Variants in EPN2 observed in about 807,000 individuals in gnomAD.
EPN2 encodes epsin 2, also known as epsin-2.
EPN2 carries 34 observed loss-of-function variants against 61.7 expected under a neutral mutation model. The observed-to-expected ratio is 0.55, with a 90% CI of 0.42 to 0.73. EPN2 has a LOEUF of 0.73. Among genes scored for constraint, EPN2 ranks in the 30% least tolerant of loss-of-function variants. EPN2 has a pLI of 0.00. For synonymous variants in EPN2, 349 were observed against 353.6 expected (o/e 0.99, Z 0.15); for missense variants, 714 against 839.2 (o/e 0.85, Z 1.84).
At chr17:19,263,730 T>C (rs909260971) in intron 1 of EPN2, among the ~76,000 whole-genome samples, 3 of 152,228 alleles carry the variant, frequency 2.0e-5, no homozygotes, top group Non-Finnish European at 2.9e-5. Context: ...AAATTATAGC[T>C]GTCACCTTGG....
intron 1 of EPN2, among the ~76,000 whole-genome samples, chr17:19,241,540 C>G (rs946135459): frequency 6.8e-6 from 1 of 147,700 alleles, no homozygotes; most frequent in Non-Finnish European, 1.5e-5. Context: ...GAGCCGAGAT[C>G]GCACCACTGT....
At chr17:19,292,814 T>C (rs569634924) in intron 4 of EPN2, among the ~76,000 whole-genome samples, 1 of 152,326 alleles carries the variant, frequency 6.6e-6, no homozygotes, top group South Asian at 2.1e-4. Flanking sequence ...CTTCTCACAG[T>C]TGTCTAGAAG....
At chr17:19,300,015 A>T (rs1325800287) in intron 4 of EPN2, among the ~76,000 whole-genome samples, 1 of 152,230 alleles carries the variant, frequency 6.6e-6, no homozygotes, top group East Asian at 1.9e-4. Flanking sequence ...ACTTGGGCAG[A>T]TGGCCGGCTG....
intron 4 of EPN2, among the ~76,000 whole-genome samples, chr17:19,303,365 A>G (rs1435890913): frequency 6.6e-6 from 1 of 152,210 alleles, no homozygotes; most frequent in Non-Finnish European, 1.5e-5. Flanking sequence ...AGTCCACCCC[A>G]GGACCCCAGG....
chr17:19,270,502 G>A (rs529743557), intron 1 of EPN2, among the ~76,000 whole-genome samples: 1 of 152,304 alleles, frequency 6.6e-6, no homozygotes, highest in Admixed American at 6.5e-5. Flanking sequence ...CTGTCCTTAG[G>A]AACCTGCTGA....
intron 4 of EPN2, among the ~76,000 whole-genome samples, chr17:19,309,118 C>T (rs1905996697): frequency 6.6e-6 from 1 of 151,002 alleles, no homozygotes; most frequent in South Asian, 2.1e-4. Context: ...CTCGTAGTAA[C>T]ACTACGAGAG....
chr17:19,271,941 C>T (rs2045258548), intron 1 of EPN2, among the ~76,000 whole-genome samples: 1 of 152,256 alleles, frequency 6.6e-6, no homozygotes, highest in African/African-American at 2.4e-5. Flanking sequence ...TCGCAGGCTC[C>T]TCGCGAGATG....
intron 4 of EPN2, among the ~76,000 whole-genome samples, chr17:19,292,647 T>TGCTC (rs1235636792): frequency 6.6e-6 from 1 of 152,238 alleles, no homozygotes; most frequent in African/African-American, 2.4e-5. Context: ...GTATAAAAGA[T>TGCTC]GCTCGTTCTT....
intron 4 of EPN2, among the ~76,000 whole-genome samples, chr17:19,293,072 AT>A (rs988020307): frequency 1.3e-5 from 2 of 151,974 alleles, no homozygotes; most frequent in Non-Finnish European, 2.9e-5. Context: ...CTGTATTATT[AT>A]TTTTTTCTTT....
At chr17:19,243,556 C>T (rs1019181845) in intron 1 of EPN2, among the ~76,000 whole-genome samples, 1 of 151,940 alleles carries the variant, frequency 6.6e-6, no homozygotes, top group East Asian at 1.9e-4. Context: ...CCACACCCGG[C>T]TAATTTTTTT....
intron 4 of EPN2, among the ~76,000 whole-genome samples, chr17:19,302,449 CA>C (rs1905577457): frequency 6.6e-6 from 1 of 152,194 alleles, no homozygotes; most frequent in Admixed American, 6.5e-5. Flanking sequence ...GTCAAATCAG[CA>C]GTGGCATTAG....
chr17:19,261,733 G>A (rs2045143999), intron 1 of EPN2, among the ~76,000 whole-genome samples: 1 of 152,220 alleles, frequency 6.6e-6, no homozygotes, highest in Non-Finnish European at 1.5e-5. Context: ...CATGATGTGA[G>A]AACAGCCAAC....
chr17:19,303,132 TTCC>T (rs1905616796), intron 4 of EPN2, among the ~76,000 whole-genome samples: 1 of 152,214 alleles, frequency 6.6e-6, no homozygotes, highest in Non-Finnish European at 1.5e-5. Context: ...TAGCTCTCAC[TTCC>T]TTTTATGCTG....
At chr17:19,238,284 C>A (rs1214055516) in intron 1 of EPN2, among the ~76,000 whole-genome samples, 1 of 152,250 alleles carries the variant, frequency 6.6e-6, no homozygotes, top group Admixed American at 6.5e-5. Flanking sequence ...CCAGGAGAGA[C>A]TTCCTCTCTC....
At chr17:19,277,981 GA>G (rs2045324543) in intron 1 of EPN2, among the ~76,000 whole-genome samples, 1 of 150,358 alleles carries the variant, frequency 6.7e-6, no homozygotes. Flanking sequence ...GCTGAGGCAG[GA>G]AGAATGGTGT....
At position 19,272,633 on chromosome 17, in the gene EPN2, C is replaced by T. The variant is rs1016645156; in HGVS notation, c.-293-9322C>T. ...GGCCCTGATCCCTGGATTCCCATCTCCTCTCACTACCACATCATGTTATTT... is the reference window on the plus strand; with the variant it reads ...GGCCCTGATCCCTGGATTCCCATCTTCTCTCACTACCACATCATGTTATTT... On this transcript the variant is annotated intron_variant, in intron 1 of 10. Coordinates refer to ENST00000314728, the MANE Select transcript of EPN2 (RefSeq NM_014964.5). Among the ~76,000 whole-genome samples, 4 of 152,146 alleles carry T rather than the reference C, an allele frequency of 2.6e-5. No homozygotes were observed. In the East Asian group the frequency reaches 7.7e-4, roughly 29 times the overall value.
At chr17:19,291,157 G>A (rs1181721161) in intron 4 of EPN2, among the ~76,000 whole-genome samples, 1 of 152,262 alleles carries the variant, frequency 6.6e-6, no homozygotes, top group Admixed American at 6.5e-5. Flanking sequence ...AGAAAGAAAA[G>A]CCAGGATTGT....
At chr17:19,313,873 T>C (rs1216442454) in intron 7 of EPN2, 1 of 152,386 alleles carries the variant, frequency 6.6e-6, no homozygotes, top group African/African-American at 2.4e-5. Flanking sequence ...GTGATGATCT[T>C]GGGCCCACGA....
intron 6 of EPN2, 37 bp from the exon 7 acceptor site, chr17:19,313,068 C>T (rs200274309): frequency 3.2e-5 from 51 of 1,598,666 alleles, no homozygotes; most frequent in Admixed American, 3.1e-4. Flanking sequence ...GTAACTGTAG[C>T]ATAGTAAAAC....
Sources: gnomAD v4.1 joint callset for allele counts (sites outside exome capture counted in the v4.1 genomes callset) on GRCh38, gnomAD v4.1.1 for gene constraint, MANE v1.5 for transcripts, NCBI Gene and HGNC (gene_info 2026-07-23, HGNC 2026-07-21) for gene names.